The following TBCK variants were observed in gnomAD, a reference collection of about 807,000 sequenced individuals.
The protein encoded by TBCK is TBC1 domain containing kinase.
In TBCK, 99 loss-of-function variants were observed where a neutral mutation model predicts 113.4. That is an observed-to-expected ratio of 0.87 (90% CI 0.74 to 1.03). The LOEUF (loss-of-function observed/expected upper bound fraction) is 1.03. Among genes scored for constraint, TBCK ranks in the 50% least tolerant of loss-of-function variants. The probability of loss-of-function intolerance (pLI) is 0.00; values close to 1 mark genes in which losing one functional copy is unlikely to be tolerated. For missense variants in TBCK, 1,045 were observed against 1,061.3 expected (o/e 0.98, Z 0.21); for synonymous variants, 369 against 370.8 (o/e 1.00, Z 0.05).
intron 2 of TBCK, among the ~76,000 whole-genome samples, chr4:106,304,385 T>C (rs946384741): frequency 3.3e-5 from 5 of 152,176 alleles, no homozygotes; most frequent in Admixed American, 2.6e-4. Flanking sequence ...CAGATCCTCA[T>C]ACCAAATAAA....
intron 25 of TBCK, among the ~76,000 whole-genome samples, chr4:106,083,385 A>G (rs1288193585): frequency 6.6e-6 from 1 of 152,188 alleles, no homozygotes; most frequent in East Asian, 1.9e-4. Context: ...GCTTCCCTGA[A>G]CAATCTCCAA....
chr4:106,308,545 T>C (rs1254819358), intron 2 of TBCK, among the ~76,000 whole-genome samples: 2 of 152,140 alleles, frequency 1.3e-5, no homozygotes, highest in Non-Finnish European at 2.9e-5. Context: ...TGAAGGATTT[T>C]GTATGCAATA....
chr4:106,094,286 G>T (rs917186148), intron 25 of TBCK, among the ~76,000 whole-genome samples: 2 of 151,932 alleles, frequency 1.3e-5, no homozygotes, highest in African/African-American at 4.8e-5. Flanking sequence ...GGGATGGGAG[G>T]GTTACCTTTA....
intron 6 of TBCK, 45 bp from the exon 7 acceptor site, chr4:106,250,523 T>G: frequency 8.6e-7 from 1 of 1,167,690 alleles, no homozygotes; most frequent in South Asian, 1.5e-5. Flanking sequence ...TTTACATGTT[T>G]TTTCTAGGAA....
chr4:106,242,958 C>T (rs1027942286), intron 11 of TBCK, among the ~76,000 whole-genome samples: 1 of 148,116 alleles, frequency 6.8e-6, no homozygotes, highest in African/African-American at 2.5e-5. Flanking sequence ...TGAGAATATG[C>T]GGTGTTTGGT....
chr4:106,282,171 A>G (rs1341725138), intron 3 of TBCK, among the ~76,000 whole-genome samples: 5 of 152,024 alleles, frequency 3.3e-5, no homozygotes, highest in Admixed American at 1.3e-4. Context: ...CATTTCTTCT[A>G]GATTTTCCAA....
chr4:106,308,648 AAAG>A (rs1767804903), intron 2 of TBCK, 117 bp downstream of exon 2: 6 of 883,046 alleles, frequency 6.8e-6, no homozygotes, highest in East Asian at 2.7e-5. Context: ...AGGATGAGAG[AAAG>A]AAGGACATGT....
At chr4:106,145,240 C>T (rs1747641583) in intron 23 of TBCK, among the ~76,000 whole-genome samples, 1 of 151,556 alleles carries the variant, frequency 6.6e-6, no homozygotes, top group Admixed American at 6.6e-5. Flanking sequence ...ATTGCTTGAA[C>T]CCAGGAGGTG....
intron 6 of TBCK, among the ~76,000 whole-genome samples, chr4:106,250,733 A>G (rs1170013928): frequency 6.9e-6 from 1 of 144,348 alleles, no homozygotes; most frequent in African/African-American, 2.6e-5. Context: ...TGATGTAAGC[A>G]TTGTTCACTT....
At chr4:106,126,336 A>G (rs7692652) in intron 23 of TBCK, among the ~76,000 whole-genome samples, 61,056 of 151,830 alleles carry the variant, frequency 0.4, 12,573 homozygotes, top group African/African-American at 0.48. Flanking sequence ...TTTATACCTT[A>G]TTTTCCTCAG....
intron 19 of TBCK, among the ~76,000 whole-genome samples, chr4:106,219,376 A>T (rs980942771): frequency 1.3e-5 from 2 of 151,282 alleles, no homozygotes; most frequent in Non-Finnish European, 2.9e-5. Flanking sequence ...ATAATAATAA[A>T]AAAATAAAAA....
chr4:106,120,157 G>A (rs1460884157), intron 23 of TBCK, among the ~76,000 whole-genome samples: 1 of 152,218 alleles, frequency 6.6e-6, no homozygotes, highest in Non-Finnish European at 1.5e-5. Flanking sequence ...CACTGGGGAA[G>A]CGCAAGGGGT....
At chr4:106,299,147 G>A (rs2125862819) in intron 2 of TBCK, among the ~76,000 whole-genome samples, 1 of 152,294 alleles carries the variant, frequency 6.6e-6, no homozygotes, top group Middle Eastern at 3.4e-3. Context: ...CATCACAGGT[G>A]TCTAGAATGT....
At chr4:106,134,894 T>C (rs1434340295) in intron 23 of TBCK, among the ~76,000 whole-genome samples, 1 of 152,182 alleles carries the variant, frequency 6.6e-6, no homozygotes, top group Admixed American at 6.5e-5. Context: ...AAAATGAGAA[T>C]GATGCTGCTC....
intron 3 of TBCK, among the ~76,000 whole-genome samples, chr4:106,271,063 T>A (rs1178941047): frequency 3.3e-5 from 5 of 152,136 alleles, no homozygotes; most frequent in Admixed American, 3.3e-4. Flanking sequence ...GTCTCCAAAT[T>A]TTAATGTAGA....
intron 3 of TBCK, among the ~76,000 whole-genome samples, chr4:106,278,530 T>A (rs914203893): frequency 8.6e-6 from 1 of 116,786 alleles, no homozygotes; most frequent in African/African-American, 3.4e-5. Context: ...CTGCACTCCA[T>A]CCTGGGCAAC....
At chr4:106,281,004 T>C (rs961281643) in intron 3 of TBCK, among the ~76,000 whole-genome samples, 1 of 152,146 alleles carries the variant, frequency 6.6e-6, no homozygotes, top group Non-Finnish European at 1.5e-5. Context: ...AATCTGTAGA[T>C]TGCTTTGGGT....
intron 2 of TBCK, among the ~76,000 whole-genome samples, chr4:106,303,016 T>C (rs980663904): frequency 1.1e-4 from 17 of 152,218 alleles, no homozygotes; most frequent in Non-Finnish European, 1.5e-4. Flanking sequence ...TAGATATAGT[T>C]ACCACTAGTC....
At chr4:106,080,801 T>C (rs1738761847) in intron 25 of TBCK, among the ~76,000 whole-genome samples, 1 of 151,994 alleles carries the variant, frequency 6.6e-6, no homozygotes, top group East Asian at 1.9e-4. Flanking sequence ...ATCCAGAGAC[T>C]ATAAGGAACT....
Sources: allele counts gnomAD v4.1 joint callset (sites outside exome capture counted in the v4.1 genomes callset), GRCh38; gene constraint gnomAD v4.1.1; transcripts MANE v1.5; gene names NCBI Gene and HGNC (gene_info 2026-07-23, HGNC 2026-07-21).